KIAA1671: variants seen among roughly 807,000 people sequenced by gnomAD.
The protein encoded by KIAA1671 is KIAA1671.
A neutral mutation model predicts 131.2 loss-of-function variants in KIAA1671; 52 were observed. The ratio of observed to expected loss-of-function variants is 0.40; its 90% CI spans 0.32 to 0.50. The LOEUF is 0.50. Ranked by LOEUF, KIAA1671 falls within the 20% of genes least tolerant of loss-of-function variation. KIAA1671 has a pLI of 0.73. For synonymous variants in KIAA1671, 1,003 were observed against 961.6 expected (o/e 1.04, Z -0.80); for missense variants, 2,360 against 2,364.2 (o/e 1.00, Z 0.04).
At chr22:25,087,452 C>T (rs1190247184) in intron 6 of KIAA1671, among the ~76,000 whole-genome samples, 3 of 152,054 alleles carry the variant, frequency 2.0e-5, no homozygotes, top group African/African-American at 4.8e-5. Context: ...GGCATGGTGG[C>T]GGGCGCCTAT....
At chr22:25,149,897 C>T (rs1932977935) in intron 6 of KIAA1671, among the ~76,000 whole-genome samples, 1 of 152,194 alleles carries the variant, frequency 6.6e-6, no homozygotes, top group Non-Finnish European at 1.5e-5. Context: ...ACACAAAAGT[C>T]ACCACCTCCA....
chr22:25,020,962 G>T (rs1305960556), intron 1 of KIAA1671, among the ~76,000 whole-genome samples: 1 of 152,172 alleles, frequency 6.6e-6, no homozygotes, highest in Non-Finnish European at 1.5e-5. Flanking sequence ...GTTAAGCAGG[G>T]GAATGACATC....
chr22:25,129,429 C>T (rs189221690), intron 6 of KIAA1671, among the ~76,000 whole-genome samples: 1 of 151,988 alleles, frequency 6.6e-6, no homozygotes, highest in East Asian at 1.9e-4. Flanking sequence ...ATCACTTGAA[C>T]CCGGGAGGCA....
rs1602083646 is a variant in KIAA1671, at chr22:25,032,745, T to C, written c.1629+49T>C. ...TCTCTCATTAACCAGCGGGCAGTTA[T>C]GGCTGCTGGAGAAAGAGCCTCCATG... On this transcript the variant is annotated intron_variant, in intron 4 of 12. Transcript: ENST00000358431. 7 of 1,233,202 alleles carry C rather than the reference T, an allele frequency of 5.7e-6. 1 individual carries two copies. The highest frequency in any genetic ancestry group is 2.9e-5 in the South Asian group (2 of 70,138). The allele number at this position is 1,233,202 out of a possible 1,614,324, so 76.4% of individuals were successfully genotyped here.
intron 6 of KIAA1671, among the ~76,000 whole-genome samples, chr22:25,110,591 A>G (rs1297522393): frequency 3.3e-5 from 5 of 152,176 alleles, no homozygotes. Context: ...ACCTCCTTTA[A>G]CAGGTGTGCC....
intron 5 of KIAA1671, among the ~76,000 whole-genome samples, chr22:25,044,818 A>T (rs1158226995): frequency 6.6e-6 from 1 of 152,160 alleles, no homozygotes; most frequent in Non-Finnish European, 1.5e-5. Context: ...ATATATATGC[A>T]TAATTGTCAT....
intron 6 of KIAA1671, chr22:25,069,952 AAC>A (rs145647512): frequency 3.3e-3 from 544 of 164,436 alleles, no homozygotes; most frequent in Middle Eastern, 0.017. Context: ...TTCATGCATA[AAC>A]ACACACACAC....
chr22:25,076,940 G>A (rs918179047), intron 6 of KIAA1671, among the ~76,000 whole-genome samples: 2 of 152,170 alleles, frequency 1.3e-5, no homozygotes, highest in Admixed American at 6.5e-5. Context: ...GGCCTTGAAA[G>A]GCTAGGTATC....
At chr22:25,103,551 G>C (rs939784063) in intron 6 of KIAA1671, among the ~76,000 whole-genome samples, 1 of 152,144 alleles carries the variant, frequency 6.6e-6, no homozygotes, top group Non-Finnish European at 1.5e-5. Flanking sequence ...GTACAGACGA[G>C]GTTTCACCGT....
chr22:25,162,960 G>T (rs1601371470), intron 6 of KIAA1671, among the ~76,000 whole-genome samples: 1 of 152,286 alleles, frequency 6.6e-6, no homozygotes, highest in Middle Eastern at 3.4e-3. Flanking sequence ...CTTATGATGT[G>T]TACATATACT....
intron 6 of KIAA1671, chr22:25,070,382 GC>G: frequency 1.9e-6 from 1 of 514,168 alleles, no homozygotes; most frequent in South Asian, 3.5e-5. Flanking sequence ...TATTACTACT[GC>G]CCCAGCCTGC....
chr22:25,108,143 T>C (rs553197262), intron 6 of KIAA1671, among the ~76,000 whole-genome samples: 5 of 152,386 alleles, frequency 3.3e-5, no homozygotes, highest in African/African-American at 7.2e-5. Context: ...TCAGTTTTCA[T>C]GTCCATCTGC....
At position 25,039,269 on chromosome 22, in the gene KIAA1671, T is replaced by C. The variant is rs1277297382; in HGVS notation, c.2139T>C (p.Asn713=). 1.9e-6 allele frequency: 3 copies of C among 1,552,106 alleles called. No homozygotes were observed. The highest frequency in any genetic ancestry group is 2.6e-6 in the Non-Finnish European group (3 of 1,147,098). Residue 713 remains asparagine, a synonymous_variant, in exon 5 of 13, where the codon AAT becomes AAC. Transcript: ENST00000358431. ...DKYPLSENHN[N]NTFLKHLENP... ...ACCCTTTGTCTGAAAACCACAATAA[T>C]AACACCTTCCTCAAACACTTGGAAA...
At chr22:25,155,059 C>T (rs1448462214) in intron 6 of KIAA1671, among the ~76,000 whole-genome samples, 1 of 152,232 alleles carries the variant, frequency 6.6e-6, no homozygotes, top group Non-Finnish European at 1.5e-5. Flanking sequence ...CCCAGGGGAC[C>T]TTGGATACTT....
chr22:25,155,849 A>G (rs987652837), intron 6 of KIAA1671, among the ~76,000 whole-genome samples: 1 of 150,758 alleles, frequency 6.6e-6, no homozygotes. Flanking sequence ...ATTTGCCTGT[A>G]TATGTGTGTA....
chr22:25,151,199 A>C (rs1331418056), intron 6 of KIAA1671, among the ~76,000 whole-genome samples: 1 of 151,770 alleles, frequency 6.6e-6, no homozygotes, highest in Non-Finnish European at 1.5e-5. Flanking sequence ...AAGTTTATAG[A>C]GAGAAACAAG....
chr22:25,029,938 C>T (rs947059403), intron 3 of KIAA1671, among the ~76,000 whole-genome samples: 2 of 152,208 alleles, frequency 1.3e-5, no homozygotes, highest in African/African-American at 4.8e-5. Flanking sequence ...AGAGAGAGAA[C>T]GCTTAAGATT....
intron 1 of KIAA1671, among the ~76,000 whole-genome samples, chr22:25,001,920 T>G (rs951494606): frequency 1.4e-4 from 21 of 151,928 alleles, no homozygotes; most frequent in African/African-American, 5.1e-4. Context: ...TTATGTTATA[T>G]AAATATATGA....
At chr22:25,019,190 G>C (rs1925524459) in intron 1 of KIAA1671, among the ~76,000 whole-genome samples, 1 of 151,798 alleles carries the variant, frequency 6.6e-6, no homozygotes, top group African/African-American at 2.4e-5. Context: ...TGTGGATTTT[G>C]GTAGAAATCT....
Sources: gnomAD v4.1 joint callset for allele counts (sites outside exome capture counted in the v4.1 genomes callset) on GRCh38, gnomAD v4.1.1 for gene constraint, MANE v1.5 for transcripts, NCBI Gene and HGNC (gene_info 2026-07-23, HGNC 2026-07-21) for gene names.